Variants in CCDC190 observed in about 807,000 individuals in gnomAD.
The protein encoded by CCDC190 is coiled-coil domain-containing protein 190.
CCDC190 carries 10 observed loss-of-function variants against 13.1 expected under a neutral mutation model. That is an observed-to-expected ratio of 0.77 (90% CI 0.47 to 1.30). The LOEUF (loss-of-function observed/expected upper bound fraction) is 1.30, where lower values mean the gene tolerates loss of function less well. Among genes scored for constraint, CCDC190 ranks in the 50% most tolerant of loss-of-function variants. CCDC190 has a pLI of 0.00. For missense variants in CCDC190, 375 were observed against 354.3 expected (o/e 1.06, Z -0.47); for synonymous variants, 136 against 127.2 (o/e 1.07, Z -0.47).
chr1:162,864,887 C>G (rs987688806), upstream of CCDC190, among the ~76,000 whole-genome samples: 2 of 151,846 alleles, frequency 1.3e-5, no homozygotes, highest in African/African-American at 4.8e-5. Context: ...AGATTTTAAA[C>G]CCAAATATAT....
At chr1:162,867,070 A>G (rs2102267059) in intron 1 of CCDC190, among the ~76,000 whole-genome samples, 1 of 152,266 alleles carries the variant, frequency 6.6e-6, no homozygotes, top group South Asian at 2.1e-4. Context: ...AAAAAAGACC[A>G]AACTATAAAA....
chr1:162,855,525 C>A, intron 3 of CCDC190, 107 bp downstream of exon 3: 1 of 1,522,022 alleles, frequency 6.6e-7, no homozygotes. Context: ...GAAAATGTCT[C>A]ACTTAAGAAG....
Position 162,853,256 on chromosome 1 carries a change from G to A in CCDC190, c.*1509C>T. ...GAAAGAGCATGAGCAAGGAAATTGA[G>A]TAGAAGAGAGATCAAATGCTAGTCT... On this transcript the variant is annotated 3_prime_UTR_variant, in exon 4 of 4. Transcript: ENST00000367912. 5.5e-6 allele frequency: 5 copies of A among 916,198 alleles called. No homozygotes were observed. Among genetic ancestry groups the A allele is most frequent in the Non-Finnish European group, 8.0e-6 (5 of 627,766 alleles). 56.8% of individuals were successfully genotyped at this position (916,198 alleles called of 1,614,324 possible).
Position 162,852,289 on chromosome 1 carries a change from C to T in CCDC190, c.*2476G>A, listed in dbSNP as rs1650134404. The T allele has an allele frequency of 6.6e-6, 1 of 152,246 alleles. No individual in the cohort carries two copies. The highest frequency in any genetic ancestry group is 2.4e-5 in the African/African-American group (1 of 41,446). The allele number at this position is 152,246 out of a possible 1,614,324, so 9.4% of individuals were successfully genotyped here. On this transcript the variant is annotated 3_prime_UTR_variant, in exon 4 of 4. Transcript: ENST00000367912. ...GGATGTTTTCTGGGGACAGGGGGCACATTTGCTCCTAGCTGAGAACCACTG... is the reference window on the plus strand; with the variant it reads ...GGATGTTTTCTGGGGACAGGGGGCATATTTGCTCCTAGCTGAGAACCACTG...
chr1:162,855,956 A>G, intron 2 of CCDC190: 1 of 441,196 alleles, frequency 2.3e-6, no homozygotes. Flanking sequence ...GGAACTTAGA[A>G]CACACAGACA....
At position 162,854,883 on chromosome 1, in the gene CCDC190, G is replaced by A. The variant is rs1336488020; in HGVS notation, c.788C>T (p.Pro263Leu). Reference sequence around the variant, plus strand: ...GCTAAGCAACCTCTCAGACTCAGGGGGGACCCTGTGCCGGAGATAATGGGC... The same window carrying A: ...GCTAAGCAACCTCTCAGACTCAGGGAGGACCCTGTGCCGGAGATAATGGGC... ...RNAHYLRHRV[P>L]PESERLLSIG... Residue 263 changes from proline (P) to leucine (L), a missense_variant, in exon 4 of 4, where the codon CCC becomes CTC. Physicochemically the swap from Pro to Leu is moderately conservative, Grantham distance 98. Transcript: ENST00000367912. 2.5e-6 allele frequency: 4 copies of A among 1,613,920 alleles called. No homozygotes were observed. In the African/African-American group the frequency reaches 4.0e-5, roughly 16 times the overall value.
chr1:162,861,401 A>G (rs1269351185), upstream of CCDC190, among the ~76,000 whole-genome samples: 1 of 151,090 alleles, frequency 6.6e-6, no homozygotes, highest in Non-Finnish European at 1.5e-5. Flanking sequence ...TGTGTTCTCA[A>G]TCTCTCTCTC....
chr1:162,852,986 G>T lies in CCDC190; in HGVS notation c.*1779C>A. On this transcript the variant is annotated 3_prime_UTR_variant, in exon 4 of 4. Transcript: ENST00000367912. ...TAATTGTTGTATGCCTATTCATGTT[G>T]GCCCAGGCATGGCTGGTGCAAATAA... 2 of 800,416 alleles carry T rather than the reference G, an allele frequency of 2.5e-6. No individual in the cohort carries two copies. Among genetic ancestry groups the T allele is most frequent in the Non-Finnish European group, 4.2e-6 (2 of 478,220 alleles). The allele number at this position is 800,416 out of a possible 1,614,324, so 49.6% of individuals were successfully genotyped here.
Position 162,852,799 on chromosome 1 carries a change from G to A in CCDC190, c.*1966C>T. 3.8e-6 allele frequency: 1 copy of A among 261,688 alleles called. No individual in the cohort carries two copies. Among genetic ancestry groups the A allele is most frequent in the East Asian group, 7.3e-5 (1 of 13,664 alleles). The allele number at this position is 261,688 out of a possible 1,614,324, so 16.2% of individuals were successfully genotyped here. On this transcript the variant is annotated 3_prime_UTR_variant, in exon 4 of 4. Transcript: ENST00000367912. ...TGCCTTGTGATGGCCCCTTCCCGCT[G>A]TGAGAGCTAGTACAGTGAAAAGACC...
At chr1:162,861,809 G>A (rs1019221778), upstream of CCDC190, among the ~76,000 whole-genome samples, 2 of 152,030 alleles carry the variant, frequency 1.3e-5, no homozygotes, top group African/African-American at 4.8e-5. Context: ...TTGGAGCTTC[G>A]TCTGAAAATA....
At chr1:162,859,700 G>C (rs1650431080) in intron 1 of CCDC190, 42 bp from the exon 2 acceptor site, 10 of 1,513,622 alleles carry the variant, frequency 6.6e-6, no homozygotes, top group Non-Finnish European at 9.0e-6. Context: ...ATAAATGGAA[G>C]ACTGGGATAC....
chr1:162,861,461 A>G (rs1445246722), upstream of CCDC190, among the ~76,000 whole-genome samples: 1 of 148,470 alleles, frequency 6.7e-6, no homozygotes, highest in East Asian at 2.0e-4. Context: ...TCTCTTTGTC[A>G]TACCTCCCTT....
chr1:162,863,916 G>A (rs1427225949), upstream of CCDC190, among the ~76,000 whole-genome samples: 1 of 151,802 alleles, frequency 6.6e-6, no homozygotes, highest in Non-Finnish European at 1.5e-5. Flanking sequence ...CTACTCGGGA[G>A]GCTGAGGCAG....
rs1004331796 is a variant in CCDC190, at chr1:162,853,737, G to A, written c.*1028C>T. Among the ~76,000 whole-genome samples, 7 of 152,132 alleles carry A rather than the reference G, an allele frequency of 4.6e-5. No homozygotes were observed. The highest frequency in any genetic ancestry group is 8.8e-5 in the Non-Finnish European group (6 of 68,026). ...TTCTGGAATTAAAGTTTGTTATTGGGCTGAAGATTTGAATTTACCCACCAC... is the reference window on the plus strand; with the variant it reads ...TTCTGGAATTAAAGTTTGTTATTGGACTGAAGATTTGAATTTACCCACCAC... On this transcript the variant is annotated 3_prime_UTR_variant, in exon 4 of 4. Coordinates refer to ENST00000367912, the MANE Select transcript of CCDC190 (RefSeq NM_001394065.1).
Position 162,852,921 on chromosome 1 carries a change from CT to C in CCDC190, c.*1843del, listed in dbSNP as rs1394129240. 1 of 578,814 alleles carries C rather than the reference CT, an allele frequency of 1.7e-6. No homozygotes were observed. The highest frequency in any genetic ancestry group is 3.1e-6 in the Non-Finnish European group (1 of 321,458). 35.9% of individuals were successfully genotyped at this position (578,814 alleles called of 1,614,324 possible). On this transcript the variant is annotated 3_prime_UTR_variant, in exon 4 of 4. Transcript: ENST00000367912. The stretch of plus-strand genomic sequence containing the variant: ...TTGCGTAGAAGACAAGAAGAAAGAA[CT>C]TTTAGGAAAGAGCTTGCGCAGTTTA...
rs1411601880 is a variant in CCDC190, at chr1:162,867,585, T to TTGG, written c.-13+1067_-13+1068insCCA. On this transcript the variant is annotated intron_variant, in intron 1 of 3. Transcript: ENST00000367910. ...ACCCAGCACTTCCACTGCTGGATAC[T>TTGG]TAACCAAGAGAAATGAAAGCATGTG... 3.0e-4 allele frequency among the ~76,000 whole-genome samples: 45 copies of TTGG among 152,308 alleles called. No individual in the cohort carries two copies. In the East Asian group the frequency reaches 8.1e-3, roughly 27 times the overall value.
chr1:162,854,308 G>A lies in CCDC190; in HGVS notation c.*457C>T, dbSNP rs183716154. 905 of 986,892 alleles carry A rather than the reference G, an allele frequency of 9.2e-4. 1 individual carries two copies. Among genetic ancestry groups the A allele is most frequent in the Middle Eastern group, 5.7e-3 (11 of 1,914 alleles). The allele number at this position is 986,892 out of a possible 1,614,324, so 61.1% of individuals were successfully genotyped here. A position where few individuals can be genotyped will look rare whatever the true frequency, so the allele number is the denominator to read the frequency against. ...GAGAGCACGTGGGTGTGGTTAAAGA[G>A]CAGATTTTCTTTATAGACCATGTTA... On this transcript the variant is annotated 3_prime_UTR_variant, in exon 4 of 4. Transcript: ENST00000367912.
At chr1:162,855,588 G>A in intron 3 of CCDC190, 44 bp downstream of exon 3, 2 of 1,600,438 alleles carry the variant, frequency 1.2e-6, no homozygotes, top group South Asian at 1.1e-5. Flanking sequence ...TTTGGGAAGA[G>A]AGACTTAATG....
chr1:162,857,422 T>C (rs1195424877), intron 2 of CCDC190, among the ~76,000 whole-genome samples: 7 of 152,206 alleles, frequency 4.6e-5, no homozygotes. Flanking sequence ...CCATTCATGA[T>C]TGGATTGGAT....
Sources: allele counts gnomAD v4.1 joint callset (sites outside exome capture counted in the v4.1 genomes callset), GRCh38; gene constraint gnomAD v4.1.1; transcripts MANE v1.5; gene names NCBI Gene and HGNC (gene_info 2026-07-23, HGNC 2026-07-21).